Variants in SCYL2 observed in about 807,000 individuals in gnomAD.
The protein encoded by SCYL2 is SCY1 like pseudokinase 2.
Under a neutral mutation model 100.4 loss-of-function variants are expected in SCYL2, and 36 were observed. The observed-to-expected ratio is 0.36, with a 90% confidence interval of 0.27 to 0.47. The LOEUF (loss-of-function observed/expected upper bound fraction) is 0.47, where lower values mean the gene tolerates loss of function less well. SCYL2 is among the 20% of genes least tolerant of loss of function. The pLI, the probability that SCYL2 is intolerant of heterozygous loss-of-function variation, is 1.00. For synonymous variants in SCYL2, 330 were observed against 359.2 expected (o/e 0.92, Z 0.92); for missense variants, 902 against 1,083.9 (o/e 0.83, Z 2.36).
intron 1 of SCYL2, among the ~76,000 whole-genome samples, chr12:100,281,019 G>GTTTTGTTTTTTTTTTTTTTTTTTTTTT (rs2096297553): frequency 2.0e-5 from 1 of 50,466 alleles, no homozygotes; most frequent in African/African-American, 6.9e-5. Context: ...TACCATCAGT[G>GTTTTGTTTTTTTTTTTTTTTTTTTTTT]TTTTTTTTTT....
chr12:100,280,849 A>C (rs1019867764), intron 1 of SCYL2, among the ~76,000 whole-genome samples: 4 of 152,144 alleles, frequency 2.6e-5, no homozygotes, highest in African/African-American at 9.7e-5. Flanking sequence ...CATTTAGGAT[A>C]AATATTCAAC....
chr12:100,325,890 T>G (rs879262947), intron 11 of SCYL2, among the ~76,000 whole-genome samples: 5 of 152,156 alleles, frequency 3.3e-5, no homozygotes, highest in Admixed American at 6.5e-5. Context: ...CATTGTTTTT[T>G]AGAAATGGAA....
rs2096278584 is a variant in SCYL2 at position 100,267,256 on chromosome 12, G to T, written c.-565G>T. 1 of 637,770 alleles carries T rather than the reference G, an allele frequency of 1.6e-6. No homozygotes were observed. Among genetic ancestry groups the T allele is most frequent in the Non-Finnish European group, 2.6e-6 (1 of 379,916 alleles). 39.5% of individuals were successfully genotyped at this position (637,770 alleles called of 1,614,324 possible). The stretch of plus-strand genomic sequence containing the variant: ...TTTCCTTCTAGCTCCGACGTTTGCG[G>T]CCGCGGGGGCGGCGGAGGATATGGA... On this transcript the variant is annotated 5_prime_UTR_variant, in exon 1 of 18. Transcript: ENST00000360820.
intron 1 of SCYL2, among the ~76,000 whole-genome samples, chr12:100,271,009 G>A (rs989677252): frequency 6.6e-6 from 1 of 151,794 alleles, no homozygotes; most frequent in Non-Finnish European, 1.5e-5. Flanking sequence ...GCTTAACTAT[G>A]TCTGATAATT....
At chr12:100,304,338 C>T (rs1255700435) in intron 4 of SCYL2, among the ~76,000 whole-genome samples, 1 of 152,014 alleles carries the variant, frequency 6.6e-6, no homozygotes, top group Non-Finnish European at 1.5e-5. Flanking sequence ...TCGGTGTCTG[C>T]CCAAACGGCG....
intron 4 of SCYL2, among the ~76,000 whole-genome samples, chr12:100,302,974 T>C (rs952464791): frequency 6.6e-6 from 1 of 152,138 alleles, no homozygotes; most frequent in Non-Finnish European, 1.5e-5. Context: ...TTCTCTAATC[T>C]TGTCTTGATG....
chr12:100,305,102 G>A (rs1299979752), intron 4 of SCYL2, among the ~76,000 whole-genome samples: 1 of 152,204 alleles, frequency 6.6e-6, no homozygotes, highest in African/African-American at 2.4e-5. Context: ...CAACGAGACA[G>A]AAAATTAACA....
chr12:100,286,227 T>G lies in SCYL2; in HGVS notation c.177+3080T>G, dbSNP rs2096304261. ...AAATATCAAGCTAAGGGATTTATTT[T>G]GGGAGAGGATGTTTAAAAAAATGTG... On this transcript the variant is annotated intron_variant, in intron 2 of 17. Coordinates refer to ENST00000360820, the MANE Select transcript of SCYL2 (RefSeq NM_017988.6). Among the ~76,000 whole-genome samples the G allele has an allele frequency of 2.6e-5, 4 of 152,148 alleles. No individual in the cohort carries two copies. In the South Asian group the frequency reaches 8.3e-4, roughly 31 times the overall value.
chr12:100,282,667 A>G (rs1382944231), intron 1 of SCYL2, among the ~76,000 whole-genome samples: 1 of 152,144 alleles, frequency 6.6e-6, no homozygotes, highest in African/African-American at 2.4e-5. Flanking sequence ...CAGTTGAGCA[A>G]TATTCATTCT....
chr12:100,291,773 T>C (rs1449918216), intron 3 of SCYL2, 113 bp downstream of exon 3: 6 of 988,658 alleles, frequency 6.1e-6, no homozygotes, highest in Non-Finnish European at 8.8e-6. Context: ...ATACTCTAAG[T>C]GTTGAGTTCT....
At chr12:100,271,281 A>AAAAAAAAAAAAG (rs869276181) in intron 1 of SCYL2, among the ~76,000 whole-genome samples, 5 of 128,904 alleles carry the variant, frequency 3.9e-5, no homozygotes, top group African/African-American at 8.3e-5. Context: ...AAAAAAAAAA[A>AAAAAAAAAAAAG]AGAGAGAGAG....
At chr12:100,278,445 C>T (rs2096294753) in intron 1 of SCYL2, among the ~76,000 whole-genome samples, 1 of 152,020 alleles carries the variant, frequency 6.6e-6, no homozygotes. Context: ...AGTGATCCTC[C>T]CATCTCTAAT....
At chr12:100,322,305 G>A (rs556482266) in intron 10 of SCYL2, among the ~76,000 whole-genome samples, 4 of 146,914 alleles carry the variant, frequency 2.7e-5, no homozygotes, top group East Asian at 2.0e-4. Context: ...CCCGGGAGGC[G>A]GAGCTTGCAG....
chr12:100,319,435 C>T, intron 10 of SCYL2: 1 of 312,080 alleles, frequency 3.2e-6, no homozygotes, highest in Non-Finnish European at 6.3e-6. Context: ...ACATGAAATC[C>T]ATTTTTCTTT....
rs529394160 is a variant in SCYL2 at position 100,286,606 on chromosome 12, T to C, written c.177+3459T>C. Among the ~76,000 whole-genome samples, 6 of 152,230 alleles carry C rather than the reference T, an allele frequency of 3.9e-5. No individual in the cohort carries two copies. The East Asian group carries it at 1.2e-3, about 29-fold the overall frequency. On this transcript the variant is annotated intron_variant, in intron 2 of 17. Transcript: ENST00000360820. ...ACTGTTTCTGTGAGGATAGTGAAGA[T>C]TGATTGATTTCTAATAATTATTATA...
At chr12:100,331,060 A>G (rs1952203574) in intron 13 of SCYL2, among the ~76,000 whole-genome samples, 1 of 151,948 alleles carries the variant, frequency 6.6e-6, no homozygotes, top group African/African-American at 2.4e-5. Flanking sequence ...CTCCGATCTC[A>G]AGTGATCTGC....
rs1034826474 is a variant in SCYL2 at position 100,340,462 on chromosome 12, G to A, written c.*1290G>A. The stretch of plus-strand genomic sequence containing the variant: ...TAAAACTTTAAAACCATCTTTCAAC[G>A]AACTATATATGTATTATAGTTGCTG... On this transcript the variant is annotated 3_prime_UTR_variant, in exon 18 of 18. Coordinates refer to ENST00000360820, the MANE Select transcript of SCYL2 (RefSeq NM_017988.6). The A allele has an allele frequency of 4.6e-5, 7 of 151,732 alleles. No individual in the cohort carries two copies. The highest frequency in any genetic ancestry group is 8.8e-5 in the Non-Finnish European group (6 of 67,886). The allele number at this position is 151,732 out of a possible 1,614,324, so 9.4% of individuals were successfully genotyped here. A position where few individuals can be genotyped will look rare whatever the true frequency, so the allele number is the denominator to read the frequency against.
chr12:100,272,501 C>T (rs975103029), intron 1 of SCYL2, among the ~76,000 whole-genome samples: 16 of 152,084 alleles, frequency 1.1e-4, no homozygotes, highest in South Asian at 2.1e-4. Context: ...ACTGGCTCAT[C>T]GTGCACCAAT....
At chr12:100,294,823 G>A (rs1291158204) in intron 3 of SCYL2, among the ~76,000 whole-genome samples, 2 of 150,144 alleles carry the variant, frequency 1.3e-5, no homozygotes, top group African/African-American at 4.9e-5. Context: ...CTCCCGGACG[G>A]GGTGGCTGCT....
Sources: gnomAD v4.1 joint callset for allele counts (sites outside exome capture counted in the v4.1 genomes callset) on GRCh38, gnomAD v4.1.1 for gene constraint, MANE v1.5 for transcripts, NCBI Gene and HGNC (gene_info 2026-07-23, HGNC 2026-07-21) for gene names.